Variants in COL19A1 observed in about 807,000 individuals in gnomAD.
COL19A1 encodes collagen type XIX alpha 1 chain, also known as collagen alpha-1(XIX) chain.
COL19A1 carries 159 observed loss-of-function variants against 190.2 expected under a neutral mutation model. The ratio of observed to expected loss-of-function variants is 0.84; its 90% CI spans 0.73 to 0.95. The LOEUF (loss-of-function observed/expected upper bound fraction) is 0.95. Among genes scored for constraint, COL19A1 ranks in the 40% least tolerant of loss-of-function variants. COL19A1 has a pLI of 0.00. For synonymous variants in COL19A1, 509 were observed against 458.9 expected, an observed-to-expected ratio of 1.11 and a Z score of -1.39; for missense variants, 1,418 against 1,431.9, an observed-to-expected ratio of 0.99 and a Z score of 0.16.
chr6:70,108,848 ACTT>A (rs1318829040), intron 16 of COL19A1, among the ~76,000 whole-genome samples: 6 of 151,924 alleles, frequency 3.9e-5, no homozygotes. Context: ...TCAGTGTAGA[ACTT>A]CTTCTACCTT....
At chr6:69,971,650 T>C (rs1252241124) in intron 11 of COL19A1, among the ~76,000 whole-genome samples, 2 of 152,208 alleles carry the variant, frequency 1.3e-5, no homozygotes, top group East Asian at 1.9e-4. Context: ...TCCTAAGAAA[T>C]GTCAGACTTT....
chr6:69,921,450 A>ATATTCATATATTCATATATAT lies in COL19A1; in HGVS notation c.267-6458_267-6457insATTCATATATTCATATATATT, dbSNP rs368825990. ...ATCATATATATCATATATATCATAT[A>ATATTCATATATTCATATATAT]TCATATATATCATATATATTCATAT... On this transcript the variant is annotated intron_variant, in intron 4 of 50. Transcript: ENST00000620364. Among the ~76,000 whole-genome samples the ATATTCATATATTCATATATAT allele has an allele frequency of 3.6e-3, 93 of 25,956 alleles. 1 individual carries two copies. Among genetic ancestry groups the ATATTCATATATTCATATATAT allele is most frequent in the Non-Finnish European group, 5.8e-3 (70 of 12,158 alleles). The allele number at this position is 25,956 out of a possible 152,430, so 17.0% of individuals were successfully genotyped here.
intron 11 of COL19A1, among the ~76,000 whole-genome samples, chr6:69,983,541 T>C (rs1776161284): frequency 1.3e-5 from 2 of 152,172 alleles, no homozygotes; most frequent in South Asian, 4.1e-4. Flanking sequence ...ATTCTTGTTC[T>C]TTTTCTAAAT....
At chr6:70,044,080 G>C (rs753498343) in intron 14 of COL19A1, among the ~76,000 whole-genome samples, 3 of 152,110 alleles carry the variant, frequency 2.0e-5, no homozygotes, top group Non-Finnish European at 2.9e-5. Flanking sequence ...TTCTGGAGAC[G>C]GCTTCTTTCC....
intron 14 of COL19A1, chr6:70,059,713 CG>C (rs1205476746): frequency 2.2e-6 from 1 of 457,878 alleles, no homozygotes; most frequent in Non-Finnish European, 4.4e-6. Context: ...TTGTGTTAAA[CG>C]GAAAATGAAT....
rs573422170 is a variant in COL19A1, at chr6:70,082,187, A to C, written c.1224+13711A>C. Among the ~76,000 whole-genome samples the C allele has an allele frequency of 3.9e-4, 59 of 152,276 alleles. No homozygotes were observed. The South Asian group carries it at 0.011, about 28-fold the overall frequency. ...ATTGAGAGGTTGTTTAACTTTAATA[A>C]ATAATTTATAGGGTGATTTGCTTTA... On this transcript the variant is annotated intron_variant, in intron 15 of 50. Coordinates refer to ENST00000620364, the MANE Select transcript of COL19A1 (RefSeq NM_001858.6).
At chr6:70,203,561 C>T (rs1562268442) in intron 49 of COL19A1, among the ~76,000 whole-genome samples, 1 of 151,882 alleles carries the variant, frequency 6.6e-6, no homozygotes, top group African/African-American at 2.4e-5. Flanking sequence ...CAACCCCTAA[C>T]CCCACCCCCA....
intron 42 of COL19A1, among the ~76,000 whole-genome samples, chr6:70,176,920 T>G (rs762340458): frequency 6.6e-6 from 1 of 152,148 alleles, no homozygotes; most frequent in Non-Finnish European, 1.5e-5. Flanking sequence ...AAAGACAGAG[T>G]TCTTATCCTC....
At chr6:70,183,820 A>T (rs1282615608) in intron 44 of COL19A1, among the ~76,000 whole-genome samples, 1 of 152,212 alleles carries the variant, frequency 6.6e-6, no homozygotes, top group Non-Finnish European at 1.5e-5. Context: ...GGGCTTTTAG[A>T]GGAGCAAGTC....
At chr6:70,147,944 A>G (rs1458930877) in intron 27 of COL19A1, among the ~76,000 whole-genome samples, 1 of 152,158 alleles carries the variant, frequency 6.6e-6, no homozygotes, top group African/African-American at 2.4e-5. Flanking sequence ...CTGGTTTATG[A>G]TATCAGTAAA....
chr6:70,157,680 A>T (rs1438766649), intron 34 of COL19A1, among the ~76,000 whole-genome samples: 1 of 152,064 alleles, frequency 6.6e-6, no homozygotes, highest in Non-Finnish European at 1.5e-5. Context: ...ATTTATTTTC[A>T]TCCATAAATA....
chr6:70,024,668 T>A (rs1007152644), intron 12 of COL19A1, among the ~76,000 whole-genome samples: 2 of 151,602 alleles, frequency 1.3e-5, no homozygotes, highest in African/African-American at 4.8e-5. Flanking sequence ...ACCCTAGTAG[T>A]AATAGTAGTT....
At chr6:69,918,488 G>A (rs770968249) in intron 4 of COL19A1, among the ~76,000 whole-genome samples, 9 of 152,154 alleles carry the variant, frequency 5.9e-5, no homozygotes, top group Non-Finnish European at 1.0e-4. Context: ...CTTGAGGCCA[G>A]GAGTTTGAGA....
At position 69,869,688 on chromosome 6, in the gene COL19A1, T is replaced by A. The variant is rs563025782; in HGVS notation, c.-33+3048T>A. 2.0e-5 allele frequency among the ~76,000 whole-genome samples: 3 copies of A among 152,076 alleles called. No homozygotes were observed. In the East Asian group the frequency reaches 5.8e-4, roughly 29 times the overall value. ...CAAGAGAATTGTAATCAGAAAAAAA[T>A]GTAGGTCAGTTGTGATGGTTGAAAT... On this transcript the variant is annotated intron_variant, in intron 1 of 50. Transcript: ENST00000620364.
At chr6:70,083,955 G>GT (rs892279910) in intron 15 of COL19A1, among the ~76,000 whole-genome samples, 23 of 152,094 alleles carry the variant, frequency 1.5e-4, no homozygotes, top group Non-Finnish European at 2.8e-4. Context: ...GGAAAGAGCA[G>GT]TTTCCTCCCT....
At chr6:69,906,786 T>C (rs1162459596) in intron 4 of COL19A1, among the ~76,000 whole-genome samples, 1 of 152,216 alleles carries the variant, frequency 6.6e-6, no homozygotes, top group Non-Finnish European at 1.5e-5. Context: ...GTAAAGATAA[T>C]TTAGTTTCAT....
intron 14 of COL19A1, among the ~76,000 whole-genome samples, chr6:70,066,644 T>TA (rs1325108880): frequency 6.6e-6 from 1 of 151,750 alleles, no homozygotes; most frequent in Non-Finnish European, 1.5e-5. Context: ...TGAAAAAAAT[T>TA]AAAAATGAAT....
chr6:69,977,304 A>G (rs968750155), intron 11 of COL19A1, among the ~76,000 whole-genome samples: 3 of 151,678 alleles, frequency 2.0e-5, no homozygotes, highest in Admixed American at 6.6e-5. Context: ...TCAGCAAACT[A>G]TCTCAAGGAC....
intron 11 of COL19A1, among the ~76,000 whole-genome samples, chr6:70,016,983 G>A (rs1466717419): frequency 6.6e-6 from 1 of 151,996 alleles, no homozygotes; most frequent in Non-Finnish European, 1.5e-5. Context: ...TACCTATTAT[G>A]ACCTAGCAAT....
Sources: gnomAD v4.1 joint callset for allele counts (sites outside exome capture counted in the v4.1 genomes callset) on GRCh38, gnomAD v4.1.1 for gene constraint, MANE v1.5 for transcripts, NCBI Gene and HGNC (gene_info 2026-07-23, HGNC 2026-07-21) for gene names.